JPH3: variants seen among roughly 807,000 people sequenced by gnomAD.
JPH3 encodes the protein junctophilin 3.
JPH3 carries 11 observed loss-of-function variants against 59.6 expected under a neutral mutation model. That is an observed-to-expected ratio of 0.18 (90% CI 0.12 to 0.31). The LOEUF is 0.31. JPH3 is among the 10% of genes least tolerant of loss of function. The pLI, the probability that JPH3 is intolerant of heterozygous loss-of-function variation, is 1.00. For synonymous variants in JPH3, 673 were observed against 483.6 expected, an observed-to-expected ratio of 1.39 and a Z score of -5.14; for missense variants, 1,202 against 1,105.7, an observed-to-expected ratio of 1.09 and a Z score of -1.24.
chr16:87,610,878 C>T (rs780823977), intron 1 of JPH3, among the ~76,000 whole-genome samples: 1 of 152,152 alleles, frequency 6.6e-6, no homozygotes, highest in African/African-American at 2.4e-5. Flanking sequence ...CAAAGAAAGG[C>T]CCATGGAAAG....
intron 1 of JPH3, chr16:87,604,240 A>G (rs1220893548): frequency 6.9e-7 from 1 of 1,447,918 alleles, no homozygotes; most frequent in Non-Finnish European, 9.2e-7. Flanking sequence ...TCATTCTAAG[A>G]TGCCACCGCA....
intron 2 of JPH3, among the ~76,000 whole-genome samples, chr16:87,650,733 C>T (rs1567599333): frequency 6.6e-6 from 1 of 152,190 alleles, no homozygotes; most frequent in South Asian, 2.1e-4. Context: ...TGATCCAGAG[C>T]AAGGCTCAAC....
At chr16:87,691,990 G>C (rs892291610) in intron 4 of JPH3, among the ~76,000 whole-genome samples, 1 of 152,178 alleles carries the variant, frequency 6.6e-6, no homozygotes, top group Non-Finnish European at 1.5e-5. Context: ...CAATGCACAA[G>C]CTGGGGACAA....
intron 1 of JPH3, among the ~76,000 whole-genome samples, chr16:87,629,516 G>C (rs918005161): frequency 2.6e-5 from 4 of 152,012 alleles, no homozygotes; most frequent in African/African-American, 9.7e-5. Context: ...AAATAGGGAA[G>C]TGGATAAGCA....
At chr16:87,635,355 C>T (rs561847045) in intron 1 of JPH3, among the ~76,000 whole-genome samples, 26 of 152,202 alleles carry the variant, frequency 1.7e-4, no homozygotes, top group South Asian at 6.2e-4. Flanking sequence ...TGTCAGCTGA[C>T]GGGTGGGGCT....
At chr16:87,647,405 T>G (rs1597259888) in intron 2 of JPH3, among the ~76,000 whole-genome samples, 1 of 149,722 alleles carries the variant, frequency 6.7e-6, no homozygotes, top group African/African-American at 2.5e-5. Context: ...GTGGAGGGAG[T>G]GAGAGGGAAA....
At chr16:87,687,453 G>A (rs970998013) in intron 3 of JPH3, among the ~76,000 whole-genome samples, 1 of 152,172 alleles carries the variant, frequency 6.6e-6, no homozygotes, top group African/African-American at 2.4e-5. Context: ...CAGCCTCCCA[G>A]CCCGAGAACT....
At chr16:87,674,568 T>G (rs2033098808) in intron 2 of JPH3, among the ~76,000 whole-genome samples, 1 of 152,174 alleles carries the variant, frequency 6.6e-6, no homozygotes, top group Non-Finnish European at 1.5e-5. Flanking sequence ...TAACCCCATT[T>G]GTGCGGCAAA....
At chr16:87,615,672 C>T (rs1242746142) in intron 1 of JPH3, among the ~76,000 whole-genome samples, 1 of 152,196 alleles carries the variant, frequency 6.6e-6, no homozygotes, top group Non-Finnish European at 1.5e-5. Flanking sequence ...GACCCGGCCT[C>T]CCTGACCCGG....
intron 1 of JPH3, among the ~76,000 whole-genome samples, chr16:87,637,698 C>T (rs558795842): frequency 6.6e-6 from 1 of 152,134 alleles, no homozygotes; most frequent in Non-Finnish European, 1.5e-5. Flanking sequence ...GGAGTCTATG[C>T]TTGAAGGCCA....
intron 1 of JPH3, among the ~76,000 whole-genome samples, chr16:87,642,772 C>G (rs757972264): frequency 2.6e-5 from 4 of 152,234 alleles, no homozygotes; most frequent in Non-Finnish European, 4.4e-5. Context: ...AGTCCTGGTT[C>G]CACTCTACAG....
At chr16:87,667,822 G>T (rs562077433) in intron 2 of JPH3, among the ~76,000 whole-genome samples, 1 of 150,940 alleles carries the variant, frequency 6.6e-6, no homozygotes, top group Non-Finnish European at 1.5e-5. Flanking sequence ...GTTTTGTTTT[G>T]TTTTGTTTTG....
At position 87,689,860 on chromosome 16, in the gene JPH3, C is replaced by T. The variant is rs1482348549; in HGVS notation, c.1500C>T (p.His500=). ...PAPAARNKVA[H]FSRQVSVDEE... ...CCGCCGCCAGGAACAAGGTCGCCCA[C>T]TTCTCGAGGCAGGTGTCGGTGGACG... The change falls in exon 4 of 5, where the codon CAC becomes CAT. Residue 500 remains histidine (H), a synonymous_variant. Transcript: ENST00000284262. 1.3e-6 allele frequency: 2 copies of T among 1,506,714 alleles called. No homozygotes were observed. Among genetic ancestry groups the T allele is most frequent in the South Asian group, 2.6e-5 (2 of 77,814 alleles). 93.3% of individuals were successfully genotyped at this position (1,506,714 alleles called of 1,614,324 possible). A position where few individuals can be genotyped will look rare whatever the true frequency, so the allele number is the denominator to read the frequency against.
rs755189329 is a variant in JPH3 at position 87,603,221 on chromosome 16, C to G, written c.75C>G (p.His25Gln). ...YCGGWEDGKA[H>Q]GHGVCTGPKG... is the part of the protein sequence containing the mutation. ...GAGGCTGGGAGGACGGCAAGGCGCA[C>G]GGCCATGGCGTCTGCACCGGCCCCA... Residue 25 changes from histidine to glutamine, a missense_variant, in exon 1 of 5, where the codon CAC becomes CAG. Physicochemically the swap from His to Gln is conservative, Grantham distance 24. Coordinates refer to ENST00000284262, the MANE Select transcript of JPH3 (RefSeq NM_020655.4). 1.2e-6 allele frequency: 2 copies of G among 1,613,858 alleles called. No homozygotes were observed. Among genetic ancestry groups the G allele is most frequent in the South Asian group, 2.2e-5 (2 of 91,076 alleles).
intron 2 of JPH3, among the ~76,000 whole-genome samples, chr16:87,670,637 C>T (rs1420832195): frequency 6.6e-6 from 1 of 152,276 alleles, no homozygotes; most frequent in Admixed American, 6.5e-5. Flanking sequence ...GTGCCACACA[C>T]TGCGGATGGG....
intron 3 of JPH3, chr16:87,684,491 A>G: frequency 1.6e-6 from 1 of 613,004 alleles, no homozygotes; most frequent in South Asian, 2.0e-5. Context: ...GGTCTCTCCC[A>G]TTCCCACAGT....
Position 87,677,338 on chromosome 16 carries a change from A to T in JPH3, c.1161-6804A>T, listed in dbSNP as rs924601970. On this transcript the variant is annotated intron_variant, in intron 2 of 4. Transcript: ENST00000284262. ...GCAGAGTTTGCAGTGAGCCGTGATC[A>T]TGCCACTGTACTGCAGCCTGGGTGA... Among the ~76,000 whole-genome samples, 25 of 152,044 alleles carry T rather than the reference A, an allele frequency of 1.6e-4. 1 individual carries two copies. The highest frequency in any genetic ancestry group is 5.6e-4 in the African/African-American group (23 of 41,322).
intron 1 of JPH3, among the ~76,000 whole-genome samples, chr16:87,639,833 G>A (rs1319609656): frequency 6.6e-6 from 1 of 152,222 alleles, no homozygotes; most frequent in Non-Finnish European, 1.5e-5. Context: ...AGCAGCAGGT[G>A]CCCGGCTTTC....
chr16:87,646,801 A>G (rs961762052), intron 2 of JPH3, among the ~76,000 whole-genome samples: 2 of 152,124 alleles, frequency 1.3e-5, no homozygotes, highest in African/African-American at 4.8e-5. Flanking sequence ...TCATTGGTTC[A>G]TGAGTTCTCA....
Sources: allele counts gnomAD v4.1 joint callset (sites outside exome capture counted in the v4.1 genomes callset), GRCh38; gene constraint gnomAD v4.1.1; transcripts MANE v1.5; gene names NCBI Gene and HGNC (gene_info 2026-07-23, HGNC 2026-07-21).